The following AAK1 variants were observed in gnomAD, a reference collection of about 807,000 sequenced individuals.
The protein encoded by AAK1 is AP2 associated kinase 1, also known as AP2-associated protein kinase 1.
A neutral mutation model predicts 116.0 loss-of-function variants in AAK1; 37 were observed. The ratio of observed to expected loss-of-function variants is 0.32; its 90% CI spans 0.25 to 0.42. AAK1 has a LOEUF of 0.42. AAK1 is among the 10% of genes least tolerant of loss of function. The probability of loss-of-function intolerance (pLI) is 1.00; values close to 1 mark genes in which losing one functional copy is unlikely to be tolerated. For missense variants in AAK1, 919 were observed against 1,170.6 expected, an observed-to-expected ratio of 0.79 and a Z score of 3.14; for synonymous variants, 458 against 439.9, an observed-to-expected ratio of 1.04 and a Z score of -0.51.
At position 69,466,846 on chromosome 2, in the gene AAK1, G is replaced by A. The variant is rs2104861804; in HGVS notation, c.*9023C>T. The A allele has an allele frequency of 1.0e-6, 1 of 985,392 alleles. No individual in the cohort carries two copies. Among genetic ancestry groups the A allele is most frequent in the Non-Finnish European group, 1.2e-6 (1 of 829,930 alleles). The allele number at this position is 985,392 out of a possible 1,614,324, so 61.0% of individuals were successfully genotyped here. ...GCAATGCTCCTACACACAGGGCCAG[G>A]CACGGACACCTGCTCTACCTGGCAC... On this transcript the variant is annotated 3_prime_UTR_variant, in exon 22 of 22. Coordinates refer to ENST00000409085, the MANE Select transcript of AAK1 (RefSeq NM_014911.5).
intron 17 of AAK1, among the ~76,000 whole-genome samples, chr2:69,489,299 A>G (rs1270869314): frequency 6.6e-6 from 1 of 151,904 alleles, no homozygotes; most frequent in Non-Finnish European, 1.5e-5. Context: ...AAAAATACAA[A>G]AATTAGCCAG....
intron 19 of AAK1, 26 bp downstream of exon 19, chr2:69,480,834 T>G (rs1480264848): frequency 6.4e-7 from 1 of 1,562,350 alleles, no homozygotes; most frequent in Admixed American, 1.9e-5. Context: ...GACCAGTCCC[T>G]GCAGCTGCAG....
At chr2:69,505,989 G>A (rs1169372613) in intron 15 of AAK1, among the ~76,000 whole-genome samples, 4 of 152,156 alleles carry the variant, frequency 2.6e-5, no homozygotes, top group Admixed American at 6.6e-5. Flanking sequence ...AATGCCTCCC[G>A]CCCTCACTTG....
intron 18 of AAK1, chr2:69,482,404 AG>A (rs1167362642): frequency 3.4e-6 from 2 of 588,094 alleles, no homozygotes; most frequent in Non-Finnish European, 3.0e-6. Context: ...AGTTCAGTAA[AG>A]GTAGTCTAGT....
chr2:69,470,619 T>C lies in AAK1; in HGVS notation c.*5250A>G, dbSNP rs1357665548. On this transcript the variant is annotated 3_prime_UTR_variant, in exon 22 of 22. Coordinates refer to ENST00000409085, the MANE Select transcript of AAK1 (RefSeq NM_014911.5). ...TTTAATTAAGTTGGCCTGGGTATAT[T>C]AGGGATTAAGTTAGAGGAGGGAAGC... 3.0e-6 allele frequency: 3 copies of C among 985,274 alleles called. No individual in the cohort carries two copies. The highest frequency in any genetic ancestry group is 3.6e-6 in the Non-Finnish European group (3 of 829,930). 61.0% of individuals were successfully genotyped at this position (985,274 alleles called of 1,614,324 possible).
chr2:69,507,134 G>A (rs970418073), intron 15 of AAK1, among the ~76,000 whole-genome samples: 14 of 152,058 alleles, frequency 9.2e-5, no homozygotes, highest in Admixed American at 9.2e-4. Flanking sequence ...CTGTTATCCT[G>A]GACTATGTCA....
intron 2 of AAK1, among the ~76,000 whole-genome samples, chr2:69,600,351 G>GA (rs200951978): frequency 1.9e-4 from 28 of 148,296 alleles, no homozygotes; most frequent in South Asian, 1.3e-3. Context: ...AAGGAAAAAG[G>GA]AAAAAAAAAT....
At chr2:69,520,003 G>A (rs1404345469) in intron 11 of AAK1, 24 of 216,936 alleles carry the variant, frequency 1.1e-4, no homozygotes, top group Non-Finnish European at 2.0e-4. Flanking sequence ...GTCTCTTCCA[G>A]GCATCTTTAA....
intron 3 of AAK1, among the ~76,000 whole-genome samples, chr2:69,545,217 A>G (rs1418651735): frequency 6.6e-6 from 1 of 152,102 alleles, no homozygotes; most frequent in Non-Finnish European, 1.5e-5. Context: ...TCCAACCAAC[A>G]TTTGTTGAGC....
In AAK1 at chr2:69,642,742, A is replaced by G. The variant is rs530443627; in HGVS notation, c.163+136T>C. On this transcript the variant is annotated intron_variant, in intron 2 of 21. Transcript: ENST00000409085. ...CTCAATTTTAAATCTCTCAAGGACA[A>G]TGACTCACAGGGCAAGTGAAGGGGG... 3.7e-5 allele frequency: 47 copies of G among 1,260,370 alleles called. No individual in the cohort carries two copies. The African/African-American group carries it at 6.2e-4, about 17-fold the overall frequency. The allele number at this position is 1,260,370 out of a possible 1,614,324, so 78.1% of individuals were successfully genotyped here. A position where few individuals can be genotyped will look rare whatever the true frequency, so the allele number is the denominator to read the frequency against.
At chr2:69,482,555 A>G in intron 18 of AAK1, 156 bp downstream of exon 18, 1 of 741,580 alleles carries the variant, frequency 1.3e-6, no homozygotes. Flanking sequence ...AAAGCAAGGA[A>G]AACACTTCAT....
chr2:69,502,744 T>C (rs1007232244), intron 16 of AAK1, among the ~76,000 whole-genome samples: 2 of 152,222 alleles, frequency 1.3e-5, no homozygotes, highest in African/African-American at 4.8e-5. Flanking sequence ...AAACAAAATT[T>C]ATATAGCTTT....
rs1674811972 is a variant in AAK1, at chr2:69,475,296, C to G, written c.*573G>C. The G allele has an allele frequency of 2.3e-5, 23 of 985,766 alleles. No homozygotes were observed. The highest frequency in any genetic ancestry group is 2.8e-5 in the Non-Finnish European group (23 of 830,052). 61.1% of individuals were successfully genotyped at this position (985,766 alleles called of 1,614,324 possible). A position where few individuals can be genotyped will look rare whatever the true frequency, so the allele number is the denominator to read the frequency against. On this transcript the variant is annotated 3_prime_UTR_variant, in exon 22 of 22. Transcript: ENST00000409085. ...GCTAGAGCTGGGCTCAATTTCTCTTCTCAAATATATACTACCAGTCAGTAA... is the reference window on the plus strand; with the variant it reads ...GCTAGAGCTGGGCTCAATTTCTCTTGTCAAATATATACTACCAGTCAGTAA...
intron 3 of AAK1, among the ~76,000 whole-genome samples, chr2:69,550,816 AT>A (rs1019000090): frequency 4.6e-5 from 7 of 151,968 alleles, no homozygotes; most frequent in African/African-American, 1.7e-4. Context: ...GGGTTTGGCC[AT>A]TTTGGACAGG....
intron 2 of AAK1, among the ~76,000 whole-genome samples, chr2:69,630,776 G>A (rs1434004604): frequency 1.3e-5 from 2 of 152,140 alleles, no homozygotes; most frequent in African/African-American, 4.8e-5. Context: ...TTTATTCCAG[G>A]GGGGAAGGGG....
Position 69,468,475 on chromosome 2 carries a change from A to G in AAK1, c.*7394T>C, listed in dbSNP as rs1674561984. 1.5e-5 allele frequency: 15 copies of G among 985,386 alleles called. No individual in the cohort carries two copies. Among genetic ancestry groups the G allele is most frequent in the African/African-American group, 1.7e-5 (1 of 57,356 alleles). 61.0% of individuals were successfully genotyped at this position (985,386 alleles called of 1,614,324 possible). A position where few individuals can be genotyped will look rare whatever the true frequency, so the allele number is the denominator to read the frequency against. Reference sequence around the variant, plus strand: ...TGCCAAAACAAAAGCACAATTTCTCATCTTCCAAAACTACCTTGAAAGTTG... The same window carrying G: ...TGCCAAAACAAAAGCACAATTTCTCGTCTTCCAAAACTACCTTGAAAGTTG... On this transcript the variant is annotated 3_prime_UTR_variant, in exon 22 of 22. Transcript: ENST00000409085.
chr2:69,606,250 G>T (rs6546535), intron 2 of AAK1, among the ~76,000 whole-genome samples: 60,191 of 151,888 alleles, frequency 0.4, 13,568 homozygotes, highest in East Asian at 0.71. Flanking sequence ...AGGATTATTG[G>T]GTGTCCATGT....
At chr2:69,603,894 T>C (rs1029481177) in intron 2 of AAK1, among the ~76,000 whole-genome samples, 4 of 152,204 alleles carry the variant, frequency 2.6e-5, no homozygotes, top group Non-Finnish European at 4.4e-5. Context: ...ATGGACAGAA[T>C]TGGAAACCTG....
In AAK1 at chr2:69,641,533, G is replaced by A. The variant is rs1257440315; in HGVS notation, c.163+1345C>T. On this transcript the variant is annotated intron_variant, in intron 2 of 21. Transcript: ENST00000409085. The stretch of plus-strand genomic sequence containing the variant: ...ATTGGAAGAGCAATAATTTCACATG[G>A]ACATTAACTGTCAGAGATCTTTTTT... Among the ~76,000 whole-genome samples, 3 of 152,168 alleles carry A rather than the reference G, an allele frequency of 2.0e-5. No homozygotes were observed. In the East Asian group the frequency reaches 5.8e-4, roughly 29 times the overall value.
Sources: allele counts gnomAD v4.1 joint callset (sites outside exome capture counted in the v4.1 genomes callset), GRCh38; gene constraint gnomAD v4.1.1; transcripts MANE v1.5; gene names NCBI Gene and HGNC (gene_info 2026-07-23, HGNC 2026-07-21).